Variants in COL9A3 observed in about 807,000 individuals in gnomAD.
COL9A3 encodes the protein collagen alpha-3(IX) chain.
Under a neutral mutation model 110.2 loss-of-function variants are expected in COL9A3, and 82 were observed. The ratio of observed to expected loss-of-function variants is 0.74; its 90% confidence interval spans 0.62 to 0.89. The LOEUF (loss-of-function observed/expected upper bound fraction) is 0.89, where lower values mean the gene tolerates loss of function less well. Ranked by LOEUF, COL9A3 falls within the 40% of genes least tolerant of loss-of-function variation. The pLI is 0.00. For synonymous variants in COL9A3, 494 were observed against 403.8 expected (o/e 1.22, Z -2.68); for missense variants, 1,066 against 981.3 (o/e 1.09, Z -1.15).
chr20:62,837,793 C>T (rs953703331), intron 30 of COL9A3, among the ~76,000 whole-genome samples: 7 of 148,566 alleles, frequency 4.7e-5, no homozygotes, highest in African/African-American at 1.5e-4. Flanking sequence ...GGCGACAGAG[C>T]GAGACTCCGT....
intron 19 of COL9A3, 24 bp from the exon 20 acceptor site, chr20:62,829,431 T>C: frequency 2.5e-6 from 4 of 1,612,592 alleles, no homozygotes; most frequent in Non-Finnish European, 3.4e-6. Flanking sequence ...CTGGCAGCCC[T>C]GACCGCAAGC....
At position 62,828,923 on chromosome 20, in the gene COL9A3, GGA is replaced by G. The variant is rs1423366330; in HGVS notation, c.959_960del (p.Glu320GlyfsTer39). The G allele has an allele frequency of 6.8e-6, 11 of 1,612,154 alleles. No homozygotes were observed. Among genetic ancestry groups the G allele is most frequent in the African/African-American group, 2.7e-5 (2 of 74,946 alleles). On this transcript the variant is annotated frameshift_variant and splice_region_variant, in exon 19 of 32. Transcript: ENST00000649368. LOFTEE classifies it high-confidence loss of function. Reference protein sequence around the residue: ...NGVPGLDGQKGEAGRNGAPGE... With the variant: ...NGVPGLDGQKXEAGRNGAPGE... ...CGCACCCCAATCTCTGTCCTCACAG[GGA>G]GAGGCTGGTCGCAACGGTGCTCCGG...
In COL9A3 at chr20:62,822,160, C is replaced by A; in HGVS notation, c.473C>A (p.Pro158His). Residue 158 changes from proline to histidine, a missense_variant, in exon 9 of 32, where the codon CCC becomes CAC. Physicochemically the swap from Pro to His is moderately conservative, Grantham distance 77 (BLOSUM62 -2). Coordinates refer to ENST00000649368, the MANE Select transcript of COL9A3 (RefSeq NM_001853.4). Reference sequence around the variant, plus strand: ...CCTGGTCCCCCAGGACCTCCCGGACCCCCTGTAAGTACTGGGCAGAGGCTC... The same window carrying A: ...CCTGGTCCCCCAGGACCTCCCGGACACCCTGTAAGTACTGGGCAGAGGCTC... ...GLPGPPGPPGPPGHPGVLPEG... is the reference protein window; with the variant it reads ...GLPGPPGPPGHPGHPGVLPEG... The A allele has an allele frequency of 1.9e-6, 3 of 1,569,844 alleles. No homozygotes were observed. The highest frequency in any genetic ancestry group is 2.6e-6 in the Non-Finnish European group (3 of 1,140,400).
At chr20:62,820,413 C>T (rs879441743) in intron 5 of COL9A3, among the ~76,000 whole-genome samples, 16 of 152,244 alleles carry the variant, frequency 1.1e-4, no homozygotes, top group Admixed American at 8.5e-4. Flanking sequence ...GCCTTTCTCC[C>T]CTTGTGGCTT....
At chr20:62,825,988 C>G in intron 13 of COL9A3, 118 bp downstream of exon 13, 1 of 1,260,774 alleles carries the variant, frequency 7.9e-7, no homozygotes, top group Non-Finnish European at 1.1e-6. Context: ...TTGGCCAACA[C>G]CCAGGCACAG....
chr20:62,829,627 G>A lies in COL9A3; in HGVS notation c.1054-1G>A, dbSNP rs777965896. On this transcript the variant is annotated splice_acceptor_variant, in intron 20 of 31. Transcript: ENST00000649368. LOFTEE classifies it high-confidence loss of function. Reference sequence around the variant, plus strand: ...CACTCACAGCTCTCCTTCCTCTACAGGGCAGAGCTGGGGAGCTGGGTGAGG... The same window carrying A: ...CACTCACAGCTCTCCTTCCTCTACAAGGCAGAGCTGGGGAGCTGGGTGAGG... The A allele has an allele frequency of 2.5e-6, 4 of 1,609,870 alleles. No homozygotes were observed. In the South Asian group the frequency reaches 4.4e-5, roughly 18 times the overall value.
chr20:62,830,331 TC>T (rs776310405), intron 22 of COL9A3, 28 bp from the exon 23 acceptor site: 1 of 1,560,356 alleles, frequency 6.4e-7, no homozygotes, highest in Non-Finnish European at 8.7e-7. Context: ...CCCTGAGACA[TC>T]CGCTCACACC....
rs2063671093 is a variant in COL9A3 at position 62,840,720 on chromosome 20, T to G, written c.2043T>G (p.Ser681=). 1 of 1,572,598 alleles carries G rather than the reference T, an allele frequency of 6.4e-7. No homozygotes were observed. The highest frequency in any genetic ancestry group is 2.3e-5 in the East Asian group (1 of 42,926). The part of the protein sequence containing the change: ...VLGGVGEKSG[S]RSS ...GAGGGGTCGGGGAGAAATCAGGCTC[T>G]CGAAGCTCATAAAATTCAACGTGAG... is the stretch of plus-strand genomic sequence containing the variant. The change falls in exon 32 of 32, where the codon TCT becomes TCG. Residue 681 remains serine (S), a synonymous_variant. Coordinates refer to ENST00000649368, the MANE Select transcript of COL9A3 (RefSeq NM_001853.4).
Position 62,836,560 on chromosome 20 carries a change from GCGGGGCCCATCCC to G in COL9A3, c.1603+31_1603+43del, listed in dbSNP as rs6147408. 0.052 allele frequency: 83,087 copies of G among 1,589,030 alleles called. 4,914 individuals are homozygous for G. Among genetic ancestry groups the G allele is most frequent in the African/African-American group, 0.31 (22,961 of 74,502 alleles). ...AAGTCAGCCACGTGCACCGGCTGCA[GCGGGGCCCATCCC>G]CGCCTGGGGGTCCCGTGCCTGGGGC... On this transcript the variant is annotated intron_variant, in intron 29 of 31. Coordinates refer to ENST00000649368, the MANE Select transcript of COL9A3 (RefSeq NM_001853.4).
upstream of COL9A3, chr20:62,816,949 A>G: frequency 1.9e-6 from 1 of 519,564 alleles, no homozygotes; most frequent in Non-Finnish European, 2.7e-6. Context: ...GCCCGGCTGA[A>G]TGGGGGGCTT....
In COL9A3 at chr20:62,830,537, A is replaced by C; in HGVS notation, c.1236A>C (p.Gly412=). The C allele has an allele frequency of 6.2e-7, 1 of 1,608,636 alleles. No individual in the cohort carries two copies. ...CCCAGGGCCAGAAGGGCAGCATGGG[A>C]GACCCCGGCCTTCCAGGCCCCCAGG... The part of the protein sequence containing the change: ...RGFQGQKGSM[G]DPGLPGPQGL... Residue 412 remains glycine (G), a synonymous_variant, in exon 24 of 32, where the codon GGA becomes GGC. Transcript: ENST00000649368.
In COL9A3 at chr20:62,821,690, A is replaced by C. The variant is rs2063514106; in HGVS notation, c.370-67A>C. 1.9e-6 allele frequency: 3 copies of C among 1,556,808 alleles called. No individual in the cohort carries two copies. The Admixed American group carries it at 5.2e-5, about 27-fold the overall frequency. On this transcript the variant is annotated intron_variant, in intron 7 of 31. Coordinates refer to ENST00000649368, the MANE Select transcript of COL9A3 (RefSeq NM_001853.4). ...CCTCTCCCTTCGGAGGCGGCACACCAACCCTGGGTGGGGATCCTCGGGGCT... is the reference window on the plus strand; with the variant it reads ...CCTCTCCCTTCGGAGGCGGCACACCCACCCTGGGTGGGGATCCTCGGGGCT...
intron 12 of COL9A3, 28 bp downstream of exon 12, chr20:62,825,049 G>GGAGCTGGGGAC: frequency 6.3e-7 from 1 of 1,596,106 alleles, no homozygotes; most frequent in Non-Finnish European, 8.5e-7. Flanking sequence ...CAGCTGGGGA[G>GGAGCTGGGGAC]GAGCTGGGGA....
chr20:62,821,461 C>A, intron 6 of COL9A3, 46 bp from the exon 7 acceptor site: 1 of 1,612,100 alleles, frequency 6.2e-7, no homozygotes, highest in Non-Finnish European at 8.5e-7. Context: ...TGAGGCGCAG[C>A]CCTTCTTGTG....
chr20:62,828,325 C>G (rs928032926), intron 17 of COL9A3, among the ~76,000 whole-genome samples: 8 of 152,238 alleles, frequency 5.3e-5, no homozygotes, highest in Non-Finnish European at 1.2e-4. Context: ...GACCTGAGCT[C>G]CCTTCTAGCC....
intron 7 of COL9A3, 75 bp from the exon 8 acceptor site, chr20:62,821,682 G>C: frequency 6.5e-7 from 1 of 1,545,356 alleles, no homozygotes. Flanking sequence ...CTTCGGAGGC[G>C]GCACACCAAC....
At chr20:62,832,741 A>G in intron 25 of COL9A3, 1 of 267,036 alleles carries the variant, frequency 3.7e-6, no homozygotes, top group East Asian at 2.4e-4. Flanking sequence ...ATACCGCTGG[A>G]GGGCCTGCAG....
rs1234667644 is a variant in COL9A3 at position 62,819,944 on chromosome 20, G to C, written c.271G>C (p.Asp91His). ...LPGVDGLTGR[D>H]GPPGPKGAPG... ...CTCTCCCCAGGGTCTGACTGGACGA[G>C]ATGGACCCCCTGGACCCAAGGGTGC... The change falls in exon 5 of 32, where the codon GAT (aspartate) becomes CAT (histidine). Residue 91 changes from aspartate (D) to histidine (H), a missense_variant. Physicochemically the swap from Asp to His is moderately conservative, Grantham distance 81. Coordinates refer to ENST00000649368, the MANE Select transcript of COL9A3 (RefSeq NM_001853.4). 6.8e-6 allele frequency: 11 copies of C among 1,612,940 alleles called. No individual in the cohort carries two copies. The highest frequency in any genetic ancestry group is 8.5e-6 in the Non-Finnish European group (10 of 1,179,994).
intron 31 of COL9A3, among the ~76,000 whole-genome samples, chr20:62,840,025 G>T (rs7272664): frequency 6.6e-6 from 1 of 151,916 alleles, no homozygotes; most frequent in African/African-American, 2.4e-5. Flanking sequence ...CTTGCTGGTG[G>T]ACAGCAGCCT....
Sources: allele counts gnomAD v4.1 joint callset (sites outside exome capture counted in the v4.1 genomes callset), GRCh38; gene constraint gnomAD v4.1.1; transcripts MANE v1.5; gene names NCBI Gene and HGNC (gene_info 2026-07-23, HGNC 2026-07-21).